The following ENTHD1 variants were observed in gnomAD, a reference collection of about 807,000 sequenced individuals.
ENTHD1 encodes the protein ENTH domain containing 1.
Under a neutral mutation model 39.1 loss-of-function variants are expected in ENTHD1, and 23 were observed. That is an observed-to-expected ratio of 0.59 (90% CI 0.42 to 0.83). The LOEUF (loss-of-function observed/expected upper bound fraction) is 0.83, where lower values mean the gene tolerates loss of function less well. ENTHD1 is among the 40% of genes least tolerant of loss of function. The probability of loss-of-function intolerance (pLI) is 0.00; values close to 1 mark genes in which losing one functional copy is unlikely to be tolerated. For missense variants in ENTHD1, 624 were observed against 705.4 expected (o/e 0.88, Z 1.31); for synonymous variants, 230 against 258.2 (o/e 0.89, Z 1.05).
intron 3 of ENTHD1, among the ~76,000 whole-genome samples, chr22:39,856,175 G>A (rs2066083906): frequency 6.6e-6 from 1 of 151,164 alleles, no homozygotes; most frequent in South Asian, 2.1e-4. Flanking sequence ...TGGGGAGGCT[G>A]AGGCAGGAGA....
At chr22:39,778,863 C>T (rs148346484) in intron 5 of ENTHD1, among the ~76,000 whole-genome samples, 24 of 152,254 alleles carry the variant, frequency 1.6e-4, no homozygotes, top group Non-Finnish European at 3.4e-4. Context: ...GAGGACAGAC[C>T]ATGTACTACA....
At chr22:39,774,309 A>G (rs912940772) in intron 5 of ENTHD1, among the ~76,000 whole-genome samples, 4 of 152,016 alleles carry the variant, frequency 2.6e-5, no homozygotes, top group African/African-American at 7.3e-5. Context: ...GGATGATGTC[A>G]TCTATTATTA....
intron 5 of ENTHD1, among the ~76,000 whole-genome samples, chr22:39,800,864 A>C (rs978770230): frequency 1.3e-5 from 2 of 152,198 alleles, no homozygotes; most frequent in African/African-American, 4.8e-5. Context: ...TGTCTAGTCC[A>C]CCACACTGCT....
intron 5 of ENTHD1, among the ~76,000 whole-genome samples, chr22:39,776,144 C>T (rs1362880717): frequency 6.6e-6 from 1 of 152,170 alleles, no homozygotes; most frequent in Non-Finnish European, 1.5e-5. Flanking sequence ...CTACCTGCCT[C>T]AGCCTTCAAA....
At chr22:39,783,677 T>C (rs2065430521) in intron 5 of ENTHD1, among the ~76,000 whole-genome samples, 1 of 152,092 alleles carries the variant, frequency 6.6e-6, no homozygotes, top group Non-Finnish European at 1.5e-5. Flanking sequence ...TAAGTGGTGC[T>C]GGGAAAACTG....
At chr22:39,794,294 T>C (rs2065528956) in intron 5 of ENTHD1, among the ~76,000 whole-genome samples, 2 of 152,350 alleles carry the variant, frequency 1.3e-5, no homozygotes, top group South Asian at 4.1e-4. Context: ...CTACTGATTT[T>C]TGTATGTTGA....
At chr22:39,832,913 C>T (rs2065880942) in intron 4 of ENTHD1, among the ~76,000 whole-genome samples, 1 of 152,162 alleles carries the variant, frequency 6.6e-6, no homozygotes, top group Non-Finnish European at 1.5e-5. Flanking sequence ...TGCTGCCCTG[C>T]AACTGGCCTC....
chr22:39,783,813 G>A (rs955613706), intron 5 of ENTHD1, among the ~76,000 whole-genome samples: 8 of 152,116 alleles, frequency 5.3e-5, no homozygotes, highest in African/African-American at 1.7e-4. Flanking sequence ...AAACATTGGG[G>A]AAACACTCTA....
rs371661011 is a variant in ENTHD1, at chr22:39,812,292, C to T, written c.832+8701G>A. On this transcript the variant is annotated intron_variant, in intron 5 of 6. Transcript: ENST00000325157. ...CAACACTACAGCCCACTCAGAAGTG[C>T]TCCTGAAAGACCGCAGGAGAATCCT... Among the ~76,000 whole-genome samples the T allele has an allele frequency of 7.9e-5, 12 of 152,328 alleles. No individual in the cohort carries two copies. The East Asian group carries it at 1.9e-3, about 25-fold the overall frequency.
chr22:39,779,188 G>A (rs1424410128), intron 5 of ENTHD1, among the ~76,000 whole-genome samples: 1 of 151,910 alleles, frequency 6.6e-6, no homozygotes, highest in East Asian at 1.9e-4. Context: ...ATGGTGGTGA[G>A]TGCCTGTAAT....
intron 2 of ENTHD1, among the ~76,000 whole-genome samples, chr22:39,863,129 C>T (rs574382611): frequency 2.0e-4 from 31 of 152,286 alleles, no homozygotes; most frequent in Non-Finnish European, 3.5e-4. Flanking sequence ...ATAAATTTCT[C>T]TTCTTTCTAA....
chr22:39,866,688 A>C (rs978389055), intron 2 of ENTHD1, among the ~76,000 whole-genome samples: 1 of 152,312 alleles, frequency 6.6e-6, no homozygotes, highest in African/African-American at 2.4e-5. Flanking sequence ...TGACTTGGCC[A>C]GGCCCTGCTT....
intron 6 of ENTHD1, 102 bp from the exon 7 acceptor site, chr22:39,744,385 CAT>C (rs1306789296): frequency 3.8e-6 from 4 of 1,043,384 alleles, no homozygotes; most frequent in Non-Finnish European, 5.3e-6. Flanking sequence ...AAGGGCTCAA[CAT>C]AAATAAACTG....
chr22:39,848,179 A>G (rs943609458), intron 3 of ENTHD1, among the ~76,000 whole-genome samples: 1 of 151,860 alleles, frequency 6.6e-6, no homozygotes, highest in African/African-American at 2.4e-5. Context: ...AATCCTTATC[A>G]CACTTGGAAT....
chr22:39,875,209 C>A, intron 2 of ENTHD1: 1 of 864,834 alleles, frequency 1.2e-6, no homozygotes, highest in Non-Finnish European at 1.5e-6. Flanking sequence ...TGAGAGAAGC[C>A]AGAAACTGAA....
At position 39,887,451 on chromosome 22, in the gene ENTHD1, G is replaced by A. The variant is rs2066388326; in HGVS notation, c.298C>T (p.Leu100Phe). The A allele has an allele frequency of 3.1e-6, 5 of 1,613,354 alleles. No individual in the cohort carries two copies. Among genetic ancestry groups the A allele is most frequent in the Non-Finnish European group, 4.2e-6 (5 of 1,179,820 alleles). ...TGCTGAAAATCTTTTAGTGTTTGAA[G>A]GTTACAGAACCCCTCTCTGCAATGC... is the stretch of plus-strand genomic sequence containing the variant. ...IQHCREGFCN[L>F]QTLKDFQHID... The change falls in exon 2 of 7, where the codon CTT becomes TTT. Residue 100 changes from leucine (L) to phenylalanine (F), a missense_variant. Coordinates refer to ENST00000325157, the MANE Select transcript of ENTHD1 (RefSeq NM_152512.4).
In ENTHD1 at chr22:39,867,069, A is replaced by T. The variant is rs1052154870; in HGVS notation, c.350-5062T>A. On this transcript the variant is annotated intron_variant, in intron 2 of 6. Transcript: ENST00000325157. This position sits in a 1 kb window ranked among gnomAD's most constrained non-coding sequence, Gnocchi z 4.5. ...AGGCGCCCGCCACCAGGCCCGGCTA[A>T]TTTTTTTGCATTTTTAGTAGAGACG... Among the ~76,000 whole-genome samples the T allele has an allele frequency of 3.3e-5, 5 of 151,846 alleles. No homozygotes were observed. The highest frequency in any genetic ancestry group is 9.7e-5 in the African/African-American group (4 of 41,312).
intron 4 of ENTHD1, among the ~76,000 whole-genome samples, chr22:39,832,766 A>G (rs2065879138): frequency 6.6e-6 from 1 of 152,206 alleles, no homozygotes; most frequent in Non-Finnish European, 1.5e-5. Flanking sequence ...CCGGGGAGAC[A>G]CAGAGCTCTT....
chr22:39,753,576 G>A (rs995506116), intron 6 of ENTHD1, among the ~76,000 whole-genome samples: 10 of 152,116 alleles, frequency 6.6e-5, no homozygotes, highest in East Asian at 3.8e-4. Flanking sequence ...TGTTATCTCC[G>A]AAAAGGTTAT....
Sources: allele counts gnomAD v4.1 joint callset (sites outside exome capture counted in the v4.1 genomes callset), GRCh38; gene constraint gnomAD v4.1.1; non-coding constraint Gnocchi (gnomAD v3.1); transcripts MANE v1.5; gene names NCBI Gene and HGNC (gene_info 2026-07-23, HGNC 2026-07-21).